The following ZNF609 variants were observed in gnomAD, a reference collection of about 807,000 sequenced individuals.
ZNF609 encodes the protein zinc finger protein 609.
A neutral mutation model predicts 109.5 loss-of-function variants in ZNF609; 11 were observed. That is an observed-to-expected ratio of 0.10 (90% confidence interval 0.06 to 0.17). ZNF609 has a LOEUF of 0.17. Among genes scored for constraint, ZNF609 ranks in the 10% least tolerant of loss-of-function variants. The pLI, the probability that ZNF609 is intolerant of heterozygous loss-of-function variation, is 1.00. For synonymous variants in ZNF609, 646 were observed against 662.0 expected, an observed-to-expected ratio of 0.98 and a Z score of 0.37; for missense variants, 1,559 against 1,772.4, an observed-to-expected ratio of 0.88 and a Z score of 2.16.
chr15:64,593,381 G>A (rs577662330), intron 2 of ZNF609: 276 of 857,558 alleles, frequency 3.2e-4, no homozygotes, highest in Non-Finnish European at 5.1e-4. Flanking sequence ...AAAATAAAAT[G>A]GAAATTGTAC....
In ZNF609 at chr15:64,488,069, C is replaced by T. The variant is rs191505218; in HGVS notation, c.-127-11224C>T. The stretch of plus-strand genomic sequence containing the variant: ...AGTCCTTTTTTGGGAAGCAACTATG[C>T]ATGAATGAGACTGTTGCAAGGCTAG... On this transcript the variant is annotated intron_variant, in intron 1 of 9. Transcript: ENST00000326648. 1.3e-3 allele frequency among the ~76,000 whole-genome samples: 195 copies of T among 152,284 alleles called. 2 individuals are homozygous for T. The highest frequency in any genetic ancestry group is 4.6e-3 in the African/African-American group (193 of 41,556).
chr15:64,671,662 G>A (rs1280358981), intron 4 of ZNF609, among the ~76,000 whole-genome samples: 1 of 152,092 alleles, frequency 6.6e-6, no homozygotes, highest in East Asian at 1.9e-4. Context: ...TCAGGGTTTG[G>A]GAAATCCAGG....
At chr15:64,591,972 G>A (rs1055070456) in intron 2 of ZNF609, among the ~76,000 whole-genome samples, 13 of 151,966 alleles carry the variant, frequency 8.6e-5, no homozygotes, top group Non-Finnish European at 1.5e-4. Flanking sequence ...GCCTCCCAAA[G>A]TGCTGGGATT....
rs185071147 is a variant in ZNF609, at chr15:64,572,620, C to T, written c.748-50207C>T. On this transcript the variant is annotated intron_variant, in intron 2 of 9. Coordinates refer to ENST00000326648, the MANE Select transcript of ZNF609 (RefSeq NM_015042.2). ...GTAAATTAGAAAAGAATGCCAGGCA[C>T]GGTGGCTCACACCTGTAACCCCAGC... 8.6e-4 allele frequency among the ~76,000 whole-genome samples: 131 copies of T among 152,244 alleles called. 1 individual carries two copies. Among genetic ancestry groups the T allele is most frequent in the African/African-American group, 3.0e-3 (123 of 41,538 alleles).
chr15:64,682,667 A>AGTCT lies in ZNF609; in HGVS notation c.*983_*986dup, dbSNP rs942853616. ...TTCCCCCCAGCTTGGGGAACCTTGG[A>AGTCT]GTCTGCCAGGTCACCTTAGGGCAAG... is the stretch of plus-strand genomic sequence containing the variant. On this transcript the variant is annotated 3_prime_UTR_variant, in exon 10 of 10. Coordinates refer to ENST00000326648, the MANE Select transcript of ZNF609 (RefSeq NM_015042.2). The AGTCT allele has an allele frequency of 2.0e-5, 3 of 152,604 alleles. No homozygotes were observed. The highest frequency in any genetic ancestry group is 7.2e-5 in the African/African-American group (3 of 41,442). The allele number at this position is 152,604 out of a possible 1,614,324, so 9.5% of individuals were successfully genotyped here.
At chr15:64,475,158 T>C (rs1893149895) in intron 1 of ZNF609, among the ~76,000 whole-genome samples, 1 of 146,260 alleles carries the variant, frequency 6.8e-6, no homozygotes, top group Admixed American at 7.1e-5. Flanking sequence ...TTTTTCAGTC[T>C]CCATTTCTTA....
At chr15:64,513,608 A>G (rs1487439482) in intron 2 of ZNF609, among the ~76,000 whole-genome samples, 1 of 152,228 alleles carries the variant, frequency 6.6e-6, no homozygotes, top group African/African-American at 2.4e-5. Flanking sequence ...TGAATTCAAC[A>G]CAATCAGTTT....
chr15:64,475,781 G>A lies in ZNF609; in HGVS notation c.-128+14943G>A, dbSNP rs191781708. On this transcript the variant is annotated intron_variant, in intron 1 of 9. Coordinates refer to ENST00000326648, the MANE Select transcript of ZNF609 (RefSeq NM_015042.2). ...GAGATACCTGTGTCTCCTCTGTTCC[G>A]TAAACTCTTAGCCCAGTGCTTCTTT... Among the ~76,000 whole-genome samples the A allele has an allele frequency of 2.9e-4, 44 of 152,142 alleles. No homozygotes were observed. The East Asian group carries it at 4.8e-3, about 17-fold the overall frequency.
At chr15:64,628,125 T>A (rs1250708625) in intron 3 of ZNF609, among the ~76,000 whole-genome samples, 1 of 150,884 alleles carries the variant, frequency 6.6e-6, no homozygotes, top group African/African-American at 2.4e-5. Context: ...AAATTTTTTT[T>A]AAATCTATGC....
At chr15:64,640,272 C>T in intron 3 of ZNF609, among the ~76,000 whole-genome samples, 1 of 152,094 alleles carries the variant, frequency 6.6e-6, no homozygotes, top group East Asian at 1.9e-4. Context: ...CTCCTGGGCT[C>T]AAGCAGCCTC....
intron 2 of ZNF609, among the ~76,000 whole-genome samples, chr15:64,558,667 T>C (rs1292751088): frequency 6.6e-6 from 1 of 152,220 alleles, no homozygotes; most frequent in African/African-American, 2.4e-5. Context: ...CCACAAGTTC[T>C]TTTTCTGCTT....
At chr15:64,640,735 C>G (rs1020750898) in intron 3 of ZNF609, among the ~76,000 whole-genome samples, 1 of 152,128 alleles carries the variant, frequency 6.6e-6, no homozygotes, top group Non-Finnish European at 1.5e-5. Context: ...GCTGTATAGC[C>G]AAAGGCATGA....
intron 2 of ZNF609, among the ~76,000 whole-genome samples, chr15:64,511,563 A>C (rs1467780143): frequency 6.6e-6 from 1 of 151,868 alleles, no homozygotes; most frequent in Non-Finnish European, 1.5e-5. Context: ...ATCCTATAAC[A>C]TCTGAATGTT....
intron 2 of ZNF609, chr15:64,593,035 G>A (rs1478955289): frequency 6.3e-6 from 10 of 1,590,008 alleles, no homozygotes; most frequent in Non-Finnish European, 8.5e-6. Flanking sequence ...GCCACATGCA[G>A]CCTATTCGCT....
chr15:64,605,914 T>G lies in ZNF609; in HGVS notation c.748-16913T>G. On this transcript the variant is annotated intron_variant, in intron 2 of 9. Transcript: ENST00000326648. ...ACGCCCGGCTAATCTTTTTTTTTTT[T>G]TTTTTTTTTTTTTTGTATTTTTAGT... 1.5e-5 allele frequency among the ~76,000 whole-genome samples: 2 copies of G among 135,170 alleles called. 1 individual carries two copies. The highest frequency in any genetic ancestry group is 3.1e-5 in the Non-Finnish European group (2 of 63,834). 88.7% of individuals were successfully genotyped at this position (135,170 alleles called of 152,430 possible). A position where few individuals can be genotyped will look rare whatever the true frequency, so the allele number is the denominator to read the frequency against.
chr15:64,660,523 T>A (rs1292868879), intron 3 of ZNF609, among the ~76,000 whole-genome samples: 1 of 152,218 alleles, frequency 6.6e-6, no homozygotes, highest in Non-Finnish European at 1.5e-5. Context: ...GTTGAGAAGT[T>A]ATGACGGAGA....
intron 2 of ZNF609, among the ~76,000 whole-genome samples, chr15:64,586,266 C>T (rs900908812): frequency 6.7e-5 from 10 of 149,528 alleles, no homozygotes; most frequent in South Asian, 2.1e-4. Context: ...GCAGAGGTTG[C>T]GGTGAGCCGA....
At chr15:64,535,670 T>C (rs1894131406) in intron 2 of ZNF609, among the ~76,000 whole-genome samples, 2 of 152,214 alleles carry the variant, frequency 1.3e-5, no homozygotes, top group South Asian at 4.1e-4. Context: ...CTGGGTCATA[T>C]GGTAATTGTG....
chr15:64,552,654 A>G (rs1185967364), intron 2 of ZNF609, among the ~76,000 whole-genome samples: 1 of 151,952 alleles, frequency 6.6e-6, no homozygotes, highest in Non-Finnish European at 1.5e-5. Context: ...GCTCCCAGCC[A>G]TTGTTGTTTT....
Sources: allele counts gnomAD v4.1 joint callset (sites outside exome capture counted in the v4.1 genomes callset), GRCh38; gene constraint gnomAD v4.1.1; transcripts MANE v1.5; gene names NCBI Gene and HGNC (gene_info 2026-07-23, HGNC 2026-07-21).